HNF4G: variants seen among roughly 807,000 people sequenced by gnomAD.
HNF4G encodes hepatocyte nuclear factor 4-gamma.
A neutral mutation model predicts 50.9 loss-of-function variants in HNF4G; 21 were observed. The ratio of observed to expected loss-of-function variants is 0.41; its 90% CI spans 0.29 to 0.59. The LOEUF is 0.59. Among genes scored for constraint, HNF4G ranks in the 20% least tolerant of loss-of-function variants. The pLI is 0.26. For missense variants in HNF4G, 527 were observed against 559.4 expected (o/e 0.94, Z 0.58); for synonymous variants, 198 against 185.6 (o/e 1.07, Z -0.54).
At chr8:75,528,144 G>A (rs1390606638) in intron 2 of HNF4G, among the ~76,000 whole-genome samples, 1 of 152,142 alleles carries the variant, frequency 6.6e-6, no homozygotes, top group Non-Finnish European at 1.5e-5. Flanking sequence ...GATAATATAT[G>A]AGTGGCCCAT....
chr8:75,560,410 C>A lies in HNF4G; in HGVS notation c.1190C>A (p.Thr397Asn), dbSNP rs1807273773. 6.2e-7 allele frequency: 1 copy of A among 1,613,078 alleles called. No homozygotes were observed. Among genetic ancestry groups the A allele is most frequent in the Non-Finnish European group, 8.5e-7 (1 of 1,179,222 alleles). ...CCACATTTGTCTCAAGACCCATTAA[C>A]TGGACAAACTATACTTTTAGGTCCC... ...MHPHLSQDPL[T>N]GQTILLGPMS... The change falls in exon 9 of 10, where the codon ACT becomes AAT. Residue 397 changes from threonine to asparagine, a missense_variant. Around this residue, in one of 5 missense-constraint regions of HNF4G, gnomAD observed 308 missense variants for 301.5 expected, o/e 1.02. Transcript: ENST00000396423.
chr8:75,550,875 A>G (rs976425441), intron 3 of HNF4G, among the ~76,000 whole-genome samples: 4 of 152,128 alleles, frequency 2.6e-5, no homozygotes, highest in African/African-American at 9.7e-5. Flanking sequence ...AAACTGTCCC[A>G]TGGACAGTGT....
intron 2 of HNF4G, among the ~76,000 whole-genome samples, chr8:75,529,272 C>T (rs1048344098): frequency 4.6e-5 from 7 of 151,520 alleles, no homozygotes; most frequent in African/African-American, 9.7e-5. Context: ...GCCTGGGCAA[C>T]GGAGCGAGGT....
At chr8:75,535,319 G>T (rs1050113744), upstream of HNF4G, among the ~76,000 whole-genome samples, 3 of 150,902 alleles carry the variant, frequency 2.0e-5, no homozygotes, top group African/African-American at 7.3e-5. Context: ...AGGAAGAATG[G>T]TTAGATTAGG....
At chr8:75,458,622 T>C (rs1421737985) in intron 1 of HNF4G, among the ~76,000 whole-genome samples, 1 of 152,172 alleles carries the variant, frequency 6.6e-6, no homozygotes, top group East Asian at 1.9e-4. Context: ...GAATTGTATC[T>C]CCTTAATGTC....
upstream of HNF4G, among the ~76,000 whole-genome samples, chr8:75,539,143 G>T (rs1806543462): frequency 6.6e-6 from 1 of 152,122 alleles, no homozygotes; most frequent in Admixed American, 6.6e-5. Context: ...GGAATATGTA[G>T]ATCTACACGT....
At chr8:75,542,431 C>G (rs1344242713) in intron 1 of HNF4G, among the ~76,000 whole-genome samples, 1 of 151,010 alleles carries the variant, frequency 6.6e-6, no homozygotes, top group Non-Finnish European at 1.5e-5. Flanking sequence ...TTAACAGAAA[C>G]CTGGTAGCTA....
At chr8:75,485,086 T>C (rs1812469134) in intron 1 of HNF4G, among the ~76,000 whole-genome samples, 1 of 152,220 alleles carries the variant, frequency 6.6e-6, no homozygotes, top group African/African-American at 2.4e-5. Context: ...TGCAGAAATA[T>C]TACAAATCTT....
intron 2 of HNF4G, among the ~76,000 whole-genome samples, chr8:75,523,726 T>C (rs1373778934): frequency 6.6e-6 from 1 of 151,846 alleles, no homozygotes; most frequent in East Asian, 1.9e-4. Context: ...CTGTATAAAA[T>C]AGTATTATAT....
At chr8:75,415,288 G>C (rs546505480) in intron 1 of HNF4G, among the ~76,000 whole-genome samples, 15 of 151,942 alleles carry the variant, frequency 9.9e-5, no homozygotes, top group African/African-American at 3.6e-4. Context: ...TCCTTTTCAA[G>C]ATATGGGTTT....
chr8:75,552,605 G>T (rs2943592), intron 4 of HNF4G, among the ~76,000 whole-genome samples: 106,178 of 151,964 alleles, frequency 0.7, 38,897 homozygotes, highest in African/African-American at 0.92. Flanking sequence ...CTGGGTAAAC[G>T]TTATGAAAAC....
chr8:75,439,802 A>T (rs830774), intron 1 of HNF4G, among the ~76,000 whole-genome samples: 127,559 of 151,996 alleles, frequency 0.84, 54,269 homozygotes, highest in African/African-American at 0.96. Context: ...CATGTTATAA[A>T]CATAATATAA....
At chr8:75,432,690 G>A (rs1811042823) in intron 1 of HNF4G, among the ~76,000 whole-genome samples, 1 of 152,120 alleles carries the variant, frequency 6.6e-6, no homozygotes, top group Non-Finnish European at 1.5e-5. Flanking sequence ...GCCACCCAGC[G>A]ATCCTTGTCC....
chr8:75,439,132 T>C (rs1420085351), intron 1 of HNF4G, among the ~76,000 whole-genome samples: 3 of 152,040 alleles, frequency 2.0e-5, no homozygotes, highest in Admixed American at 6.5e-5. Flanking sequence ...TTTATCATGG[T>C]TGGAGGTGTA....
intron 1 of HNF4G, among the ~76,000 whole-genome samples, chr8:75,433,598 T>C (rs959354966): frequency 3.3e-5 from 5 of 152,120 alleles, no homozygotes; most frequent in Admixed American, 2.6e-4. Context: ...ATCTCACTAC[T>C]GTGTTGCACG....
intron 3 of HNF4G, among the ~76,000 whole-genome samples, chr8:75,550,736 T>A (rs1336416955): frequency 6.6e-6 from 1 of 151,862 alleles, no homozygotes; most frequent in Non-Finnish European, 1.5e-5. Context: ...AAGAAGCAGA[T>A]CTAGCTTTCT....
At chr8:75,521,961 A>G (rs1374565352) in intron 2 of HNF4G, among the ~76,000 whole-genome samples, 1 of 152,198 alleles carries the variant, frequency 6.6e-6, no homozygotes, top group Non-Finnish European at 1.5e-5. Flanking sequence ...CATTCAATAC[A>G]TTCAGACTTA....
chr8:75,476,419 G>T (rs933336892), intron 1 of HNF4G, among the ~76,000 whole-genome samples: 1 of 152,248 alleles, frequency 6.6e-6, no homozygotes, highest in East Asian at 1.9e-4. Flanking sequence ...CACCAATAGG[G>T]TATAAGCATT....
intron 3 of HNF4G, 39 bp from the exon 4 acceptor site, chr8:75,551,349 A>G (rs1055827015): frequency 8.5e-7 from 1 of 1,172,016 alleles, no homozygotes; most frequent in Non-Finnish European, 1.3e-6. Flanking sequence ...CATACACTAA[A>G]GAGAAGTGCT....
Sources: gnomAD v4.1 joint callset for allele counts (sites outside exome capture counted in the v4.1 genomes callset) on GRCh38, gnomAD v4.1.1 for gene constraint, gnomAD v4.1.1 regional missense constraint, MANE v1.5 for transcripts, NCBI Gene and HGNC (gene_info 2026-07-23, HGNC 2026-07-21) for gene names.